The following GARNL3 variants were observed in gnomAD, a reference collection of about 807,000 sequenced individuals.
The protein encoded by GARNL3 is GTPase activating Rap/RanGAP domain like 3, also known as GTPase-activating Rap/Ran-GAP domain-like protein 3.
Under a neutral mutation model 125.0 loss-of-function variants are expected in GARNL3, and 63 were observed. That is an observed-to-expected ratio of 0.50 (90% CI 0.41 to 0.62). The LOEUF is 0.62. Among genes scored for constraint, GARNL3 ranks in the 20% least tolerant of loss-of-function variants. GARNL3 has a pLI of 0.00. For missense variants in GARNL3, 994 were observed against 1,244.0 expected, an observed-to-expected ratio of 0.80 and a Z score of 3.02; for synonymous variants, 439 against 457.5, an observed-to-expected ratio of 0.96 and a Z score of 0.52.
chr9:127,313,291 C>T (rs2065143431), intron 3 of GARNL3, 150 bp from the exon 4 acceptor site: 2 of 680,986 alleles, frequency 2.9e-6, no homozygotes, highest in Non-Finnish European at 2.7e-6. Flanking sequence ...CATGATCCCC[C>T]GAGAGAGATC....
At chr9:127,365,396 T>G (rs1211497265) in intron 22 of GARNL3, 30 bp downstream of exon 22, 6 of 1,551,858 alleles carry the variant, frequency 3.9e-6, no homozygotes, top group Non-Finnish European at 5.3e-6. Context: ...TTATCTTTAT[T>G]TGCTTAAATG....
At chr9:127,300,918 T>G (rs1176568723) in intron 2 of GARNL3, 1 of 223,972 alleles carries the variant, frequency 4.5e-6, no homozygotes, top group Non-Finnish European at 9.0e-6. Context: ...AGCATCTAAC[T>G]CGGCCCTGTT....
chr9:127,393,070 T>G lies in GARNL3; in HGVS notation c.2871-13T>G, dbSNP rs1832953585. 1 of 1,582,170 alleles carries G rather than the reference T, an allele frequency of 6.3e-7. No individual in the cohort carries two copies. The highest frequency in any genetic ancestry group is 8.7e-7 in the Non-Finnish European group (1 of 1,155,952). On this transcript the variant is annotated splice_polypyrimidine_tract_variant and intron_variant, in intron 27 of 27. Transcript: ENST00000373387. ...CTCCCAAAGATCCTCTTACAGTGAC[T>G]TTTCTCTTCTAGGATCCCATCAGGC...
chr9:127,302,706 G>A (rs2064837089), intron 2 of GARNL3, among the ~76,000 whole-genome samples: 1 of 152,168 alleles, frequency 6.6e-6, no homozygotes, highest in African/African-American at 2.4e-5. Flanking sequence ...AGAAGCTGGA[G>A]CTGGAGGACC....
At chr9:127,231,051 T>TACATATA (rs756942109) in intron 1 of GARNL3, among the ~76,000 whole-genome samples, 4 of 58,084 alleles carry the variant, frequency 6.9e-5, no homozygotes, top group Admixed American at 2.5e-4. Context: ...TATATATATA[T>TACATATA]TTTTTTTTTT....
intron 2 of GARNL3, chr9:127,245,276 C>T (rs2063279994): frequency 6.6e-6 from 1 of 152,280 alleles, no homozygotes; most frequent in Admixed American, 6.5e-5. Flanking sequence ...CGCAAGCACC[C>T]CGAGGGGCCG....
chr9:127,320,641 A>G lies in GARNL3; in HGVS notation c.504-74A>G, dbSNP rs1382162106. The G allele has an allele frequency of 6.9e-6, 7 of 1,014,336 alleles. No individual in the cohort carries two copies. The Admixed American group carries it at 7.8e-5, about 11-fold the overall frequency. The allele number at this position is 1,014,336 out of a possible 1,614,324, so 62.8% of individuals were successfully genotyped here. ...TCTGAGTGTCAGGCCCTTTAGGGAA[A>G]ACAGCTGTGATTTTCTAGAAGCTCC... On this transcript the variant is annotated intron_variant, in intron 5 of 27. Coordinates refer to ENST00000373387, the MANE Select transcript of GARNL3 (RefSeq NM_032293.5).
At chr9:127,288,700 G>T (rs2064322727) in intron 1 of GARNL3, among the ~76,000 whole-genome samples, 1 of 152,128 alleles carries the variant, frequency 6.6e-6, no homozygotes, top group Admixed American at 6.5e-5. Flanking sequence ...AGCAAGACAA[G>T]CAATATGCTT....
chr9:127,331,504 GAAA>G (rs35635452), intron 7 of GARNL3, among the ~76,000 whole-genome samples: 1 of 137,238 alleles, frequency 7.3e-6, no homozygotes, highest in South Asian at 2.5e-4. Flanking sequence ...AAAAAAGAAA[GAAA>G]AAAAAAAACC....
chr9:127,289,449 C>T (rs1221384918), intron 1 of GARNL3, among the ~76,000 whole-genome samples: 1 of 152,238 alleles, frequency 6.6e-6, no homozygotes, highest in African/African-American at 2.4e-5. Flanking sequence ...CCATTGTCCT[C>T]TCCTGATGGA....
chr9:127,229,715 T>G (rs1392940814), intron 1 of GARNL3, among the ~76,000 whole-genome samples: 18 of 152,194 alleles, frequency 1.2e-4, no homozygotes, highest in Admixed American at 1.0e-3. Context: ...CAGGCTGATC[T>G]CGAAATCCTG....
intron 1 of GARNL3, among the ~76,000 whole-genome samples, chr9:127,277,500 G>A (rs2063986601): frequency 6.6e-6 from 1 of 151,116 alleles, no homozygotes; most frequent in Admixed American, 6.6e-5. Context: ...GTACAGCTCT[G>A]GCAACATCAT....
chr9:127,340,065 A>G (rs773161218), intron 13 of GARNL3, among the ~76,000 whole-genome samples: 1 of 148,836 alleles, frequency 6.7e-6, no homozygotes, highest in Non-Finnish European at 1.5e-5. Flanking sequence ...TTGTATATGT[A>G]TCTGTATCTG....
intron 2 of GARNL3, among the ~76,000 whole-genome samples, chr9:127,246,651 C>G (rs554427447): frequency 6.6e-6 from 1 of 152,142 alleles, no homozygotes; most frequent in African/African-American, 2.4e-5. Flanking sequence ...ACTAAAAATA[C>G]AAAAAATCAG....
intron 22 of GARNL3, among the ~76,000 whole-genome samples, chr9:127,378,587 CAAAA>C (rs60768775): frequency 1.9e-5 from 2 of 104,078 alleles, no homozygotes; most frequent in Admixed American, 1.0e-4. Flanking sequence ...AACTCCGTCA[CAAAA>C]AAAAAAAAAA....
intron 22 of GARNL3, among the ~76,000 whole-genome samples, chr9:127,378,965 A>T (rs1832095070): frequency 6.6e-6 from 1 of 152,020 alleles, no homozygotes; most frequent in Admixed American, 6.6e-5. Context: ...TTTAGTGGAG[A>T]TGGGGTTTCA....
chr9:127,365,153 C>T, intron 21 of GARNL3, 147 bp from the exon 22 acceptor site: 1 of 671,402 alleles, frequency 1.5e-6, no homozygotes, highest in Non-Finnish European at 2.7e-6. Flanking sequence ...CCCCAATGTG[C>T]ATTGTGGGTG....
At chr9:127,315,663 TAAAAAAA>T (rs368501115) in intron 4 of GARNL3, among the ~76,000 whole-genome samples, 114 of 133,744 alleles carry the variant, frequency 8.5e-4, no homozygotes, top group Non-Finnish European at 5.6e-4. Context: ...GTAAGAAAGA[TAAAAAAA>T]AAAAAACTAG....
rs1405657491 is a variant in GARNL3, at chr9:127,389,082, C to T, written c.2706C>T (p.Ile902=). The T allele has an allele frequency of 2.5e-6, 4 of 1,614,120 alleles. No individual in the cohort carries two copies. Among genetic ancestry groups the T allele is most frequent in the Non-Finnish European group, 3.4e-6 (4 of 1,180,006 alleles). ...THSLSLSRME[I]KEIASRTRRE... ...CCTTGTCCCTGTCTCGCATGGAGAT[C>T]AAAGAAATAGCAAGCAGGACCCGCA... is the stretch of plus-strand genomic sequence containing the variant. The change falls in exon 26 of 28, where the codon ATC becomes ATT. Residue 902 remains isoleucine, a synonymous_variant. Coordinates refer to ENST00000373387, the MANE Select transcript of GARNL3 (RefSeq NM_032293.5).
Sources: gnomAD v4.1 joint callset for allele counts (sites outside exome capture counted in the v4.1 genomes callset) on GRCh38, gnomAD v4.1.1 for gene constraint, MANE v1.5 for transcripts, NCBI Gene and HGNC (gene_info 2026-07-23, HGNC 2026-07-21) for gene names.